TRAPPC12: variants seen among roughly 807,000 people sequenced by gnomAD.
The protein encoded by TRAPPC12 is trafficking protein particle complex subunit 12.
A neutral mutation model predicts 69.2 loss-of-function variants in TRAPPC12; 61 were observed. That is an observed-to-expected ratio of 0.88 (90% confidence interval 0.72 to 1.09). TRAPPC12 has a LOEUF of 1.09. TRAPPC12 is among the 50% of genes least tolerant of loss of function. TRAPPC12 has a pLI of 0.00. For synonymous variants in TRAPPC12, 469 were observed against 438.9 expected (o/e 1.07, Z -0.86); for missense variants, 1,101 against 1,016.4 (o/e 1.08, Z -1.13).
chr2:3,446,548 A>G (rs1051109871), intron 6 of TRAPPC12, among the ~76,000 whole-genome samples: 2 of 152,190 alleles, frequency 1.3e-5, no homozygotes, highest in Non-Finnish European at 2.9e-5. Flanking sequence ...ACCGTCGCCA[A>G]CTTCCTCGCT....
rs140258140 is a variant in TRAPPC12, at chr2:3,405,572, C to T, written c.1164+3679C>T. On this transcript the variant is annotated intron_variant, in intron 3 of 11. Coordinates refer to ENST00000324266, the MANE Select transcript of TRAPPC12 (RefSeq NM_016030.6). ...GATGGGATTCAAACAAACAAGTTCT[C>T]ACTTGTGTTTCTTAGTGTATTCATT... 9.2e-5 allele frequency among the ~76,000 whole-genome samples: 14 copies of T among 152,320 alleles called. No homozygotes were observed. In the East Asian group the frequency reaches 2.1e-3, roughly 23 times the overall value.
At chr2:3,395,062 C>T (rs370058959) in intron 2 of TRAPPC12, among the ~76,000 whole-genome samples, 8 of 152,246 alleles carry the variant, frequency 5.3e-5, no homozygotes, top group African/African-American at 1.9e-4. Context: ...CTTTCTGGGG[C>T]TTACGATAAA....
At chr2:3,474,432 C>T (rs554945609) in intron 9 of TRAPPC12, among the ~76,000 whole-genome samples, 97 of 152,298 alleles carry the variant, frequency 6.4e-4, no homozygotes, top group African/African-American at 2.3e-3. Flanking sequence ...AAGTGTTCAT[C>T]TCCTTTGGCA....
Position 3,388,451 on chromosome 2 carries a change from G to A in TRAPPC12, c.828G>A (p.Ser276=), listed in dbSNP as rs767405624. The A allele has an allele frequency of 2.5e-6, 4 of 1,610,568 alleles. No individual in the cohort carries two copies. The highest frequency in any genetic ancestry group is 3.4e-6 in the Non-Finnish European group (4 of 1,178,874). ...CCCAGGCAGCTGCGCCCCCGGCGTC[G>A]CCAGAGCCTTTCGCGCACATCCAGG... ...RGPQAAAPPA[S]PEPFAHIQAV... Residue 276 remains serine, a synonymous_variant, in exon 2 of 12, where the codon TCG becomes TCA. Coordinates refer to ENST00000324266, the MANE Select transcript of TRAPPC12 (RefSeq NM_016030.6).
chr2:3,463,682 G>A lies in TRAPPC12; in HGVS notation c.1678-1915G>A, dbSNP rs149293454. On this transcript the variant is annotated intron_variant, in intron 8 of 11. Coordinates refer to ENST00000324266, the MANE Select transcript of TRAPPC12 (RefSeq NM_016030.6). ...GCAGTGAGTGCTGCGCCCCCACCAC[G>A]CCCCCACCCTGCGCTCTCTGTGGTG... 1.6e-3 allele frequency among the ~76,000 whole-genome samples: 244 copies of A among 151,744 alleles called. 6 individuals are homozygous for A. The East Asian group carries it at 0.043, about 27-fold the overall frequency.
intron 6 of TRAPPC12, chr2:3,455,032 G>C (rs1042612984): frequency 6.6e-6 from 1 of 152,280 alleles, no homozygotes; most frequent in African/African-American, 2.4e-5. Flanking sequence ...CGGAGGCGCA[G>C]AACAAGCTCA....
At chr2:3,427,666 A>G (rs78255190) in intron 5 of TRAPPC12, among the ~76,000 whole-genome samples, 2,643 of 152,148 alleles carry the variant, frequency 0.017, 109 homozygotes, top group East Asian at 0.17. Context: ...GAAGATCTCA[A>G]GATCTCTTGA....
chr2:3,394,116 T>C (rs1660982625), intron 2 of TRAPPC12, among the ~76,000 whole-genome samples: 1 of 152,178 alleles, frequency 6.6e-6, no homozygotes, highest in Non-Finnish European at 1.5e-5. Flanking sequence ...AGGAAGCTTT[T>C]TCCCATTGCT....
At chr2:3,394,127 G>C (rs1660983221) in intron 2 of TRAPPC12, among the ~76,000 whole-genome samples, 1 of 152,150 alleles carries the variant, frequency 6.6e-6, no homozygotes, top group Non-Finnish European at 1.5e-5. Context: ...TCCCATTGCT[G>C]TCTTCCAGCC....
intron 9 of TRAPPC12, chr2:3,468,034 A>C (rs1665899284): frequency 6.6e-6 from 1 of 152,104 alleles, no homozygotes; most frequent in South Asian, 2.1e-4. Flanking sequence ...CCCACACTTA[A>C]AGCTCACATT....
At chr2:3,411,899 G>A (rs528222419) in intron 3 of TRAPPC12, among the ~76,000 whole-genome samples, 1 of 152,310 alleles carries the variant, frequency 6.6e-6, no homozygotes, top group East Asian at 1.9e-4. Context: ...ACTGGCTGTA[G>A]CATCTCCTTG....
At chr2:3,447,078 T>C (rs1172479888) in intron 6 of TRAPPC12, among the ~76,000 whole-genome samples, 1 of 150,856 alleles carries the variant, frequency 6.6e-6, no homozygotes, top group African/African-American at 2.4e-5. Context: ...TGTCAGCATC[T>C]GCTTCCAGTG....
intron 5 of TRAPPC12, among the ~76,000 whole-genome samples, chr2:3,433,336 G>C (rs560774592): frequency 6.6e-6 from 1 of 152,364 alleles, no homozygotes; most frequent in African/African-American, 2.4e-5. Flanking sequence ...TTGTAAGTTT[G>C]TGCCTTACTG....
At chr2:3,435,948 A>G (rs956838237) in intron 5 of TRAPPC12, among the ~76,000 whole-genome samples, 5 of 152,242 alleles carry the variant, frequency 3.3e-5, no homozygotes, top group African/African-American at 9.6e-5. Context: ...TTATAAAAAT[A>G]TAGTTGATAT....
chr2:3,453,239 G>A (rs57285383), intron 6 of TRAPPC12, among the ~76,000 whole-genome samples: 99 of 152,292 alleles, frequency 6.5e-4, no homozygotes, highest in African/African-American at 2.2e-3. Context: ...CATCGTCCCC[G>A]GTACTTCCCA....
chr2:3,476,448 G>A (rs928335776), intron 9 of TRAPPC12, among the ~76,000 whole-genome samples: 1 of 152,234 alleles, frequency 6.6e-6, no homozygotes, highest in Non-Finnish European at 1.5e-5. Flanking sequence ...TGGGCTGTGT[G>A]GCTGGAGAGG....
chr2:3,457,614 A>C lies in TRAPPC12; in HGVS notation c.1531-7A>C. 6.2e-7 allele frequency: 1 copy of C among 1,612,764 alleles called. No homozygotes were observed. The highest frequency in any genetic ancestry group is 8.5e-7 in the Non-Finnish European group (1 of 1,179,784). ...GATTTTGTCCTTCTCATTTGGAATG[A>C]TTGCAGATCCTGGCCAATTTGGAGC... On this transcript the variant is annotated splice_region_variant and splice_polypyrimidine_tract_variant and intron_variant, in intron 6 of 11. Transcript: ENST00000324266.
At chr2:3,448,831 A>C (rs915837192) in intron 6 of TRAPPC12, among the ~76,000 whole-genome samples, 1 of 152,232 alleles carries the variant, frequency 6.6e-6, no homozygotes, top group Non-Finnish European at 1.5e-5. Flanking sequence ...GTAAGGGAGC[A>C]GAGCGGGAAG....
intron 8 of TRAPPC12, among the ~76,000 whole-genome samples, chr2:3,462,302 A>G (rs1452032742): frequency 6.6e-6 from 1 of 152,246 alleles, no homozygotes; most frequent in East Asian, 1.9e-4. Flanking sequence ...TTGCATTTCA[A>G]AAATACTTTT....
Sources: gnomAD v4.1 joint callset for allele counts (sites outside exome capture counted in the v4.1 genomes callset) on GRCh38, gnomAD v4.1.1 for gene constraint, MANE v1.5 for transcripts, NCBI Gene and HGNC (gene_info 2026-07-23, HGNC 2026-07-21) for gene names.